PTPRS: variants seen among roughly 807,000 people sequenced by gnomAD.
PTPRS encodes receptor-type tyrosine-protein phosphatase S.
PTPRS carries 63 observed loss-of-function variants against 215.3 expected under a neutral mutation model. The ratio of observed to expected loss-of-function variants is 0.29; its 90% CI spans 0.24 to 0.36. The LOEUF (loss-of-function observed/expected upper bound fraction) is 0.36. Among genes scored for constraint, PTPRS ranks in the 10% least tolerant of loss-of-function variants. The pLI is 1.00. For synonymous variants in PTPRS, 1,404 were observed against 1,191.4 expected (o/e 1.18, Z -3.68); for missense variants, 2,258 against 2,825.8 (o/e 0.80, Z 4.56).
chr19:5,215,449 G>A (rs1448239977), intron 27 of PTPRS, 37 bp from the exon 28 acceptor site: 5 of 1,610,608 alleles, frequency 3.1e-6, no homozygotes, highest in East Asian at 2.2e-5. Flanking sequence ...GTCAGGGTAG[G>A]TGCCTGTGAG....
intron 9 of PTPRS, among the ~76,000 whole-genome samples, chr19:5,251,716 G>A (rs1405365857): frequency 6.6e-6 from 1 of 152,066 alleles, no homozygotes; most frequent in Non-Finnish European, 1.5e-5. Flanking sequence ...CGCCCACCCT[G>A]GCCAAATGGA....
chr19:5,291,803 G>A (rs528063036), intron 1 of PTPRS, among the ~76,000 whole-genome samples: 12 of 151,962 alleles, frequency 7.9e-5, no homozygotes, highest in Admixed American at 3.3e-4. Context: ...CCATCAACAC[G>A]TATTAAAACT....
rs2043628147 is a variant in PTPRS, at chr19:5,237,995, A to T, written c.1849+924T>A. 6.6e-6 allele frequency among the ~76,000 whole-genome samples: 1 copy of T among 151,698 alleles called. No homozygotes were observed. The highest frequency in any genetic ancestry group is 1.5e-5 in the Non-Finnish European group (1 of 67,926). The stretch of plus-strand genomic sequence containing the variant: ...ACCCAGGGCGGGCCTTGAAGGTTTG[A>T]CCATCATGACTGATTCTGGAAGAAA... On this transcript the variant is annotated intron_variant, in intron 13 of 37. Coordinates refer to ENST00000262963, the MANE Select transcript of PTPRS (RefSeq NM_002850.4). This position sits in a 1 kb window ranked among gnomAD's most constrained non-coding sequence, Gnocchi z 4.2.
At chr19:5,340,185 C>G (rs2050644856) in intron 1 of PTPRS, among the ~76,000 whole-genome samples, 1 of 151,180 alleles carries the variant, frequency 6.6e-6, no homozygotes, top group East Asian at 2.0e-4. Context: ...CCCGCATGCC[C>G]CCCATCCCCC....
Position 5,220,176 on chromosome 19 carries a change from T to G in PTPRS, c.3550-22A>C, listed in dbSNP as rs1599436757. 2.5e-6 allele frequency: 4 copies of G among 1,609,524 alleles called. No individual in the cohort carries two copies. The African/African-American group carries it at 5.3e-5, about 21-fold the overall frequency. ...TGAGCTGCGGGAACAGAGTCATGGGTGGCTCAGAGCTCAGCTGGGAGCAAC... is the reference window on the plus strand; with the variant it reads ...TGAGCTGCGGGAACAGAGTCATGGGGGGCTCAGAGCTCAGCTGGGAGCAAC... On this transcript the variant is annotated intron_variant, in intron 21 of 37. Coordinates refer to ENST00000262963, the MANE Select transcript of PTPRS (RefSeq NM_002850.4).
At position 5,223,243 on chromosome 19, in the gene PTPRS, G is replaced by T; in HGVS notation, c.2549C>A (p.Ala850Glu). 6.7e-7 allele frequency: 1 copy of T among 1,486,254 alleles called. No homozygotes were observed. 92.1% of individuals were successfully genotyped at this position (1,486,254 alleles called of 1,614,324 possible). Residue 850 changes from alanine (A) to glutamate (E), a missense_variant, in exon 18 of 38, where the codon GCA (alanine) becomes GAA (glutamate). Ala to Glu is a moderately radical substitution (Grantham distance 107). Transcript: ENST00000262963. ...GGTGCCAGCCGGGGGCTCCCAGCGTGCCAGCAGGCTGCCCTCGGGGGTCTG... is the reference window on the plus strand; with the variant it reads ...GGTGCCAGCCGGGGGCTCCCAGCGTTCCAGCAGGCTGCCCTCGGGGGTCTG... ...VQQTPEGSLLARWEPPAGTAE... is the reference protein window; with the variant it reads ...VQQTPEGSLLERWEPPAGTAE...
chr19:5,222,612 G>C, intron 18 of PTPRS, 77 bp downstream of exon 18: 1 of 1,396,990 alleles, frequency 7.2e-7, no homozygotes, highest in South Asian at 1.5e-5. Flanking sequence ...ACCTGGGCAG[G>C]GGAGAGGGAG....
intron 25 of PTPRS, among the ~76,000 whole-genome samples, chr19:5,217,032 A>C (rs2041540181): frequency 1.3e-5 from 2 of 152,110 alleles, no homozygotes; most frequent in South Asian, 4.1e-4. Flanking sequence ...CTGTCTACAG[A>C]TCCCCTCCCC....
At chr19:5,301,321 T>TG (rs2049297344) in intron 1 of PTPRS, among the ~76,000 whole-genome samples, 1 of 150,786 alleles carries the variant, frequency 6.6e-6, no homozygotes, top group Non-Finnish European at 1.5e-5. Flanking sequence ...GTTGCTGTTT[T>TG]TTTTTTTTTT....
intron 14 of PTPRS, among the ~76,000 whole-genome samples, chr19:5,229,912 C>CT (rs965643827): frequency 6.6e-6 from 1 of 151,924 alleles, no homozygotes; most frequent in African/African-American, 2.4e-5. Flanking sequence ...GCTGCCCCCC[C>CT]CCGAGTCTAA....
At chr19:5,251,544 G>A (rs906243511) in intron 9 of PTPRS, among the ~76,000 whole-genome samples, 1 of 149,938 alleles carries the variant, frequency 6.7e-6, no homozygotes, top group African/African-American at 2.5e-5. Flanking sequence ...CGCTGTGGCC[G>A]CCGGAGACAC....
chr19:5,295,147 C>T lies in PTPRS; in HGVS notation c.-94-8913G>A, dbSNP rs1227759614. On this transcript the variant is annotated intron_variant, in intron 1 of 37. Coordinates refer to ENST00000262963, the MANE Select transcript of PTPRS (RefSeq NM_002850.4). The surrounding 1 kb of genome is among the most constrained non-coding windows in gnomAD (Gnocchi z 4.6). The stretch of plus-strand genomic sequence containing the variant: ...TTGAATCCAGGGATGCCCCGTGTGT[C>T]AAGAAAGCACCCGTACCTCTCGGGC... Among the ~76,000 whole-genome samples, 1 of 152,204 alleles carries T rather than the reference C, an allele frequency of 6.6e-6. No individual in the cohort carries two copies. The highest frequency in any genetic ancestry group is 2.4e-5 in the African/African-American group (1 of 41,464).
At position 5,278,866 on chromosome 19, in the gene PTPRS, T is replaced by C. The variant is rs1440208999; in HGVS notation, c.92-4522A>G. On this transcript the variant is annotated intron_variant, in intron 2 of 37. Transcript: ENST00000262963. ...TGTATAAGCAAGAGGTAATAAAGTG[T>C]CGCAAATGGTACCGTTGTACGATTT... 3.3e-5 allele frequency among the ~76,000 whole-genome samples: 5 copies of C among 152,084 alleles called. No homozygotes were observed. In the East Asian group the frequency reaches 9.7e-4, roughly 29 times the overall value.
At chr19:5,336,903 G>C (rs1262179746) in intron 1 of PTPRS, among the ~76,000 whole-genome samples, 1 of 152,178 alleles carries the variant, frequency 6.6e-6, no homozygotes, top group East Asian at 1.9e-4. Context: ...CTTTGCCCGA[G>C]AAGGGTTCTC....
chr19:5,261,436 G>C, intron 6 of PTPRS, among the ~76,000 whole-genome samples: 1 of 152,172 alleles, frequency 6.6e-6, no homozygotes, highest in East Asian at 1.9e-4. Flanking sequence ...GGAAAGACCT[G>C]TTTATCTGGG....
chr19:5,332,316 C>T (rs1338382845), intron 1 of PTPRS, among the ~76,000 whole-genome samples: 2 of 152,020 alleles, frequency 1.3e-5, no homozygotes, highest in East Asian at 1.9e-4. Flanking sequence ...TTAGTAGAGG[C>T]GGGGTTTCAC....
intron 1 of PTPRS, among the ~76,000 whole-genome samples, chr19:5,337,380 GT>G (rs2050539657): frequency 6.6e-6 from 1 of 152,160 alleles, no homozygotes; most frequent in Non-Finnish European, 1.5e-5. Context: ...GAAATGCCAC[GT>G]CGCACCACCA....
At chr19:5,283,917 T>C (rs370382379) in intron 2 of PTPRS, among the ~76,000 whole-genome samples, 1 of 151,670 alleles carries the variant, frequency 6.6e-6, no homozygotes, top group East Asian at 1.9e-4. Context: ...CTGTAAGAAA[T>C]TTAAAAACTT....
At chr19:5,245,709 TGTGCCTGAA>T (rs1321145781) in intron 10 of PTPRS, 58 bp downstream of exon 10, 3 of 1,502,070 alleles carry the variant, frequency 2.0e-6, no homozygotes, top group Non-Finnish European at 1.8e-6. Flanking sequence ...GCCTCCCACC[TGTGCCTGAA>T]GTCGGGGATC....
Sources: gnomAD v4.1 joint callset for allele counts (sites outside exome capture counted in the v4.1 genomes callset) on GRCh38, gnomAD v4.1.1 for gene constraint, Gnocchi (gnomAD v3.1) non-coding constraint, MANE v1.5 for transcripts, NCBI Gene and HGNC (gene_info 2026-07-23, HGNC 2026-07-21) for gene names.